Variants in RPRD1A observed in about 807,000 individuals in gnomAD.
The protein encoded by RPRD1A is regulation of nuclear pre-mRNA domain containing 1A, also known as regulation of nuclear pre-mRNA domain-containing protein 1A.
In RPRD1A, 9 loss-of-function variants were observed where a neutral mutation model predicts 37.8. That is an observed-to-expected ratio of 0.24 (90% confidence interval 0.14 to 0.42). The LOEUF is 0.42. Among genes scored for constraint, RPRD1A ranks in the 10% least tolerant of loss-of-function variants. The probability of loss-of-function intolerance (pLI) is 1.00; values close to 1 mark genes in which losing one functional copy is unlikely to be tolerated. For synonymous variants in RPRD1A, 138 were observed against 139.7 expected, an observed-to-expected ratio of 0.99 and a Z score of 0.08; for missense variants, 255 against 371.0, an observed-to-expected ratio of 0.69 and a Z score of 2.57.
intron 2 of RPRD1A, among the ~76,000 whole-genome samples, chr18:36,031,581 G>A (rs1360924909): frequency 3.3e-5 from 5 of 152,210 alleles, no homozygotes; most frequent in Admixed American, 1.3e-4. Context: ...ATCCGGAAGA[G>A]TATTTAAGGA....
intron 6 of RPRD1A, among the ~76,000 whole-genome samples, chr18:36,024,164 C>T (rs1158146150): frequency 6.6e-6 from 1 of 151,752 alleles, no homozygotes; most frequent in Non-Finnish European, 1.5e-5. Context: ...CGCGCACGCG[C>T]GTGATGGAGT....
intron 6 of RPRD1A, among the ~76,000 whole-genome samples, chr18:36,010,372 A>G (rs1910101438): frequency 6.6e-6 from 1 of 152,178 alleles, no homozygotes; most frequent in African/African-American, 2.4e-5. Context: ...GTGTGCCTGT[A>G]GTTCTAGCTT....
chr18:36,026,854 AAG>A, intron 6 of RPRD1A, 44 bp downstream of exon 6: 1 of 1,525,114 alleles, frequency 6.6e-7, no homozygotes. Context: ...TCCTAACAAA[AAG>A]AGAATTAAAT....
chr18:36,026,940 C>G lies in RPRD1A; in HGVS notation c.749G>C (p.Cys250Ser), dbSNP rs778437944. Residue 250 changes from cysteine to serine, a missense_variant, in exon 6 of 7, where the codon TGT (cysteine) becomes TCT (serine). Around this residue, in one of 2 missense-constraint regions of RPRD1A, gnomAD observed 211 missense variants for 268.9 expected, o/e 0.78. Coordinates refer to ENST00000399022, the MANE Select transcript of RPRD1A (RefSeq NM_018170.5). ...TTTCTCTGCAAGGGCTTCCTTTTGA[C>G]AACGAAGAAAATCTGCTAACATTCG... Reference protein sequence around the residue: ...LTRMLADFLRCQKEALAEKEH... With the variant: ...LTRMLADFLRSQKEALAEKEH... 26 of 1,613,788 alleles carry G rather than the reference C, an allele frequency of 1.6e-5. No individual in the cohort carries two copies. The highest frequency in any genetic ancestry group is 7.6e-6 in the Non-Finnish European group (9 of 1,179,824).
chr18:35,996,976 T>TC (rs1156729179), intron 6 of RPRD1A, among the ~76,000 whole-genome samples: 754 of 41,878 alleles, frequency 0.018, 3 homozygotes, highest in Non-Finnish European at 0.024. Context: ...AGACCCTGTC[T>TC]CAAAAAAAAA....
intron 1 of RPRD1A, among the ~76,000 whole-genome samples, chr18:36,059,160 T>C (rs1314890872): frequency 6.8e-6 from 1 of 147,136 alleles, no homozygotes; most frequent in Non-Finnish European, 1.5e-5. Context: ...TTTAAAAATC[T>C]TTTTTTTTTT....
Position 35,999,642 on chromosome 18 carries a change from CA to C in RPRD1A, c.790-6343del, listed in dbSNP as rs35894007. 8.3e-3 allele frequency among the ~76,000 whole-genome samples: 1,198 copies of C among 144,904 alleles called. 10 individuals carry two copies. Among genetic ancestry groups the C allele is most frequent in the Non-Finnish European group, 0.013 (878 of 65,566 alleles). On this transcript the variant is annotated intron_variant, in intron 6 of 6. Transcript: ENST00000399022. ...TTTTATCTTTCCTACATAATTGTGA[CA>C]AAAAAAAAAGAGAGAATTTCAACCA...
intron 1 of RPRD1A, among the ~76,000 whole-genome samples, chr18:36,037,398 GTGA>G: frequency 6.6e-6 from 1 of 152,198 alleles, no homozygotes; most frequent in Non-Finnish European, 1.5e-5. Context: ...CTGCCACCAT[GTGA>G]ATAAGGACGT....
At chr18:36,031,152 GT>G in intron 2 of RPRD1A, 55 bp from the exon 3 acceptor site, 1 of 1,454,088 alleles carries the variant, frequency 6.9e-7, no homozygotes, top group Non-Finnish European at 9.0e-7. Flanking sequence ...AATGCATAGT[GT>G]TATTGAAAAG....
chr18:36,014,039 C>CA, intron 6 of RPRD1A, among the ~76,000 whole-genome samples: 1 of 152,148 alleles, frequency 6.6e-6, no homozygotes, highest in Admixed American at 6.5e-5. Flanking sequence ...ATTTTCTCCA[C>CA]AGTGTGAGTA....
chr18:36,024,582 T>C (rs967649315), intron 6 of RPRD1A, among the ~76,000 whole-genome samples: 1 of 152,192 alleles, frequency 6.6e-6, no homozygotes, highest in Non-Finnish European at 1.5e-5. Context: ...AATAATGGCT[T>C]CCTTAAGAAA....
chr18:36,032,450 G>A (rs1394044912), intron 2 of RPRD1A, among the ~76,000 whole-genome samples: 1 of 152,234 alleles, frequency 6.6e-6, no homozygotes, highest in Non-Finnish European at 1.5e-5. Context: ...GGTCTGGGGA[G>A]ATAGGCAGTG....
At chr18:36,024,815 T>G (rs1911247975) in intron 6 of RPRD1A, 1 of 152,236 alleles carries the variant, frequency 6.6e-6, no homozygotes, top group Admixed American at 6.5e-5. Context: ...CAAAAAAGTC[T>G]AAATATCTCA....
intron 6 of RPRD1A, among the ~76,000 whole-genome samples, chr18:36,008,575 G>GTATATATATA (rs201194752): frequency 0.034 from 1,439 of 42,382 alleles, 179 homozygotes; most frequent in African/African-American, 0.12. Context: ...GACCTTGTGT[G>GTATATATATA]TGTATATATA....
At chr18:36,034,107 T>C (rs1436133782) in intron 1 of RPRD1A, among the ~76,000 whole-genome samples, 13 of 152,128 alleles carry the variant, frequency 8.5e-5, no homozygotes, top group Admixed American at 8.5e-4. Context: ...AATATAGTCA[T>C]TTAAAATAAG....
intron 6 of RPRD1A, among the ~76,000 whole-genome samples, chr18:36,013,151 T>C (rs1465456485): frequency 2.6e-5 from 4 of 152,202 alleles, no homozygotes; most frequent in Non-Finnish European, 5.9e-5. Flanking sequence ...TGACTTGACC[T>C]GAGTTGTACA....
intron 6 of RPRD1A, chr18:36,025,935 C>CT (rs1911338569): frequency 4.4e-6 from 1 of 226,594 alleles, no homozygotes; most frequent in Non-Finnish European, 8.9e-6. Flanking sequence ...CTATCATCAT[C>CT]TGAGGGTATT....
intron 6 of RPRD1A, among the ~76,000 whole-genome samples, chr18:36,023,504 G>A (rs1408089251): frequency 6.6e-6 from 1 of 152,228 alleles, no homozygotes; most frequent in Non-Finnish European, 1.5e-5. Context: ...TCCCAGTGGA[G>A]ATGAAATGAC....
At chr18:36,063,465 G>A (rs1017136137) in intron 1 of RPRD1A, among the ~76,000 whole-genome samples, 7 of 144,738 alleles carry the variant, frequency 4.8e-5, no homozygotes, top group Non-Finnish European at 9.2e-5. Context: ...ACAGTACCCA[G>A]CTCATTCTTT....
Sources: allele counts gnomAD v4.1 joint callset (sites outside exome capture counted in the v4.1 genomes callset), GRCh38; gene constraint gnomAD v4.1.1; regional missense constraint gnomAD v4.1.1; transcripts MANE v1.5; gene names NCBI Gene and HGNC (gene_info 2026-07-23, HGNC 2026-07-21).